Variants in KIF21A observed in about 807,000 individuals in gnomAD.
KIF21A encodes the protein kinesin family member 21A.
Under a neutral mutation model 202.9 loss-of-function variants are expected in KIF21A, and 114 were observed. The observed-to-expected ratio is 0.56, with a 90% CI of 0.48 to 0.66. The LOEUF is 0.66. Among genes scored for constraint, KIF21A ranks in the 30% least tolerant of loss-of-function variants. The pLI, the probability that KIF21A is intolerant of heterozygous loss-of-function variation, is 0.00. For synonymous variants in KIF21A, 667 were observed against 670.8 expected (o/e 0.99, Z 0.09); for missense variants, 1,677 against 1,994.9 (o/e 0.84, Z 3.04).
chr12:39,344,355 G>A (rs532785203), intron 12 of KIF21A, among the ~76,000 whole-genome samples: 1 of 152,150 alleles, frequency 6.6e-6, no homozygotes, highest in East Asian at 1.9e-4. Flanking sequence ...TAAGGTGTAG[G>A]GCTAGGAAAG....
chr12:39,416,621 ATATATATGTGTATATATATATATG>A (rs1953633573), intron 1 of KIF21A, among the ~76,000 whole-genome samples: 2 of 135,224 alleles, frequency 1.5e-5, no homozygotes, highest in South Asian at 2.6e-4. Context: ...ATATATGTAC[ATATATATGTGTATATATATATATG>A]TACATATATA....
chr12:39,325,389 T>C (rs1371786543), intron 26 of KIF21A, among the ~76,000 whole-genome samples: 4 of 151,356 alleles, frequency 2.6e-5, no homozygotes, highest in Admixed American at 1.3e-4. Context: ...TGGAGTGCAG[T>C]TGCGCGATCT....
intron 1 of KIF21A, among the ~76,000 whole-genome samples, chr12:39,395,094 T>C (rs1447531365): frequency 1.3e-5 from 2 of 152,170 alleles, no homozygotes; most frequent in African/African-American, 4.8e-5. Flanking sequence ...GCAATAATCT[T>C]CTCATTGTTC....
intron 1 of KIF21A, among the ~76,000 whole-genome samples, chr12:39,411,690 C>G (rs1953095498): frequency 6.6e-6 from 1 of 152,072 alleles, no homozygotes; most frequent in Non-Finnish European, 1.5e-5. Context: ...CCACACCCAG[C>G]TAATTTTTAT....
At chr12:39,435,465 G>C (rs1938555556) in intron 1 of KIF21A, among the ~76,000 whole-genome samples, 1 of 152,154 alleles carries the variant, frequency 6.6e-6, no homozygotes. Flanking sequence ...GCTTTGTGTA[G>C]ATGTGGGATT....
At chr12:39,385,782 C>A in intron 1 of KIF21A, among the ~76,000 whole-genome samples, 1 of 152,156 alleles carries the variant, frequency 6.6e-6, no homozygotes, top group Admixed American at 6.6e-5. Flanking sequence ...GAAAAACTCA[C>A]AGGTGAAGAC....
At position 39,305,530 on chromosome 12, in the gene KIF21A, G is replaced by A. The variant is rs189080746; in HGVS notation, c.4443-592C>T. ...TCCCCAGTAGCTGGGACTTATAGGT[G>A]TGCATCACCAGCTTTTTTCATTTTA... On this transcript the variant is annotated intron_variant, in intron 34 of 37. Transcript: ENST00000361418. Among the ~76,000 whole-genome samples, 632 of 152,146 alleles carry A rather than the reference G, an allele frequency of 4.2e-3. 7 individuals carry two copies. Among genetic ancestry groups the A allele is most frequent in the African/African-American group, 0.015 (617 of 41,502 alleles).
intron 1 of KIF21A, among the ~76,000 whole-genome samples, chr12:39,384,434 A>T (rs1396326387): frequency 1.3e-5 from 2 of 152,170 alleles, no homozygotes; most frequent in Non-Finnish European, 2.9e-5. Flanking sequence ...AGCTCGACAG[A>T]AGCTGAAACT....
Position 39,311,462 on chromosome 12 carries a change from G to A in KIF21A, c.4051C>T (p.Leu1351Phe). The A allele has an allele frequency of 2.5e-6, 4 of 1,613,064 alleles. No homozygotes were observed. Among genetic ancestry groups the A allele is most frequent in the Non-Finnish European group, 2.5e-6 (3 of 1,179,186 alleles). Residue 1351 changes from leucine (L) to phenylalanine (F), a missense_variant, in exon 32 of 38, where the codon CTC becomes TTC. Physicochemically the swap from Leu to Phe is conservative, Grantham distance 22 (BLOSUM62 0). Around this residue, in one of 3 missense-constraint regions of KIF21A, gnomAD observed 705 missense variants for 791.9 expected, o/e 0.89. Transcript: ENST00000361418. The stretch of plus-strand genomic sequence containing the variant: ...AGATCATCAGTAGAATCCACACAGA[G>A]CACAGCTTTTGTATGCCCTTCAGCT... The part of the protein sequence containing the change: ...HIAEGHTKAV[L>F]CVDSTDDLLF...
Position 39,366,319 on chromosome 12 carries a change from A to T in KIF21A, c.903+31T>A, listed in dbSNP as rs756779775. 3 of 1,589,766 alleles carry T rather than the reference A, an allele frequency of 1.9e-6. No homozygotes were observed. The South Asian group carries it at 3.3e-5, about 18-fold the overall frequency. On this transcript the variant is annotated intron_variant, in intron 6 of 37. Transcript: ENST00000361418. ...ACAAAAGGACAATAGAAAAGCTCTG[A>T]TATATTCTCAGCACAAAGCCTTAAT...
chr12:39,309,524 T>TA (rs779661888), intron 33 of KIF21A, 62 bp downstream of exon 33: 62,866 of 1,030,930 alleles, frequency 0.061, 24 homozygotes, highest in Non-Finnish European at 0.065. Context: ...CTTATATTTG[T>TA]AAAAAAAAAA....
Position 39,443,015 on chromosome 12 carries a change from G to A in KIF21A, c.-45C>T, listed in dbSNP as rs1939881239. 7.3e-6 allele frequency: 11 copies of A among 1,498,830 alleles called. No individual in the cohort carries two copies. The East Asian group carries it at 8.2e-5, about 11-fold the overall frequency. 92.8% of individuals were successfully genotyped at this position (1,498,830 alleles called of 1,614,324 possible). ...CGAGCCGTTGGGCCTCGGCACCGCA[G>A]AGCTGAGGCGCCACTGGGGCCGCGG... is the stretch of plus-strand genomic sequence containing the variant. On this transcript the variant is annotated 5_prime_UTR_variant, in exon 1 of 38. Transcript: ENST00000361418.
chr12:39,399,026 C>G (rs1486164861), intron 1 of KIF21A, among the ~76,000 whole-genome samples: 1 of 152,058 alleles, frequency 6.6e-6, no homozygotes. Flanking sequence ...GAGTTCAAGA[C>G]CAGCCTAGGC....
chr12:39,387,316 G>A (rs903716606), intron 1 of KIF21A, among the ~76,000 whole-genome samples: 2 of 151,848 alleles, frequency 1.3e-5, no homozygotes, highest in Non-Finnish European at 2.9e-5. Context: ...CAAGAAAACA[G>A]TACACTTTCC....
chr12:39,357,470 A>G, intron 8 of KIF21A, 33 bp from the exon 9 acceptor site: 1 of 1,570,848 alleles, frequency 6.4e-7, no homozygotes, highest in Non-Finnish European at 8.8e-7. Context: ...TTGTTGGTTG[A>G]GGAGCCTTAA....
chr12:39,365,393 G>A (rs1592356667), intron 6 of KIF21A, among the ~76,000 whole-genome samples: 2 of 152,256 alleles, frequency 1.3e-5, no homozygotes, highest in South Asian at 2.1e-4. Flanking sequence ...AGAAATTTAG[G>A]GATGTCATTA....
At chr12:39,349,537 T>G (rs1948193403) in intron 11 of KIF21A, among the ~76,000 whole-genome samples, 1 of 152,098 alleles carries the variant, frequency 6.6e-6, no homozygotes, top group Non-Finnish European at 1.5e-5. Flanking sequence ...TTAGTAAAGC[T>G]GCTATCCTTC....
chr12:39,438,462 T>C (rs974800174), intron 1 of KIF21A, among the ~76,000 whole-genome samples: 3 of 152,168 alleles, frequency 2.0e-5, no homozygotes, highest in African/African-American at 2.4e-5. Context: ...AAGAAAAGTA[T>C]AGTGAGCTCA....
At chr12:39,364,498 C>A (rs1337746482) in intron 6 of KIF21A, among the ~76,000 whole-genome samples, 1 of 152,256 alleles carries the variant, frequency 6.6e-6, no homozygotes, top group Non-Finnish European at 1.5e-5. Flanking sequence ...CATTCACCCA[C>A]ATGTCGGACC....
Sources: gnomAD v4.1 joint callset for allele counts (sites outside exome capture counted in the v4.1 genomes callset) on GRCh38, gnomAD v4.1.1 for gene constraint, gnomAD v4.1.1 regional missense constraint, MANE v1.5 for transcripts, NCBI Gene and HGNC (gene_info 2026-07-23, HGNC 2026-07-21) for gene names.